TJP2: variants seen among roughly 807,000 people sequenced by gnomAD.
TJP2 encodes the protein Friedreich ataxia region gene X104 (tight junction protein ZO-2).
A neutral mutation model predicts 133.1 loss-of-function variants in TJP2; 91 were observed. That is an observed-to-expected ratio of 0.68 (90% CI 0.58 to 0.81). The LOEUF (loss-of-function observed/expected upper bound fraction) is 0.81. TJP2 is among the 40% of genes least tolerant of loss of function. TJP2 has a pLI of 0.00. For missense variants in TJP2, 1,541 were observed against 1,565.6 expected, an observed-to-expected ratio of 0.98 and a Z score of 0.26; for synonymous variants, 592 against 583.4, an observed-to-expected ratio of 1.01 and a Z score of -0.21.
In TJP2 at chr9:69,144,386, G is replaced by C. The variant is rs189873505; in HGVS notation, c.-130-7265G>C. 1.7e-3 allele frequency among the ~76,000 whole-genome samples: 254 copies of C among 152,228 alleles called. 1 individual carries two copies. The highest frequency in any genetic ancestry group is 5.7e-3 in the African/African-American group (235 of 41,548). ...TTGGGACACTCACTTTGGACATCTA[G>C]GTTAATCAGAGTTACTGCATAATGG... On this transcript the variant is annotated intron_variant, in intron 1 of 5. Transcript: ENST00000423935.
At chr9:69,122,972 C>T (rs945606022) in intron 1 of TJP2, among the ~76,000 whole-genome samples, 2 of 152,110 alleles carry the variant, frequency 1.3e-5, no homozygotes, top group Non-Finnish European at 2.9e-5. Context: ...CAAGTGTTCA[C>T]GTGTCTTGCC....
chr9:69,216,222 TCTGTTCC>T lies in TJP2; in HGVS notation c.115-116_115-110del, dbSNP rs1447540815. ...TTTCTCATTTGTTTCTGTAAGCCCA[TCTGTTCC>T]TGAACAGTCTCTGGTTATTGATTTG... On this transcript the variant is annotated intron_variant, in intron 2 of 22. Transcript: ENST00000377245. 2.4e-6 allele frequency: 3 copies of T among 1,235,586 alleles called. No homozygotes were observed. The African/African-American group carries it at 4.5e-5, about 18-fold the overall frequency. 76.5% of individuals were successfully genotyped at this position (1,235,586 alleles called of 1,614,324 possible). A position where few individuals can be genotyped will look rare whatever the true frequency, so the allele number is the denominator to read the frequency against.
chr9:69,194,916 C>T (rs10869994), intron 1 of TJP2, among the ~76,000 whole-genome samples: 57,702 of 151,970 alleles, frequency 0.38, 11,218 homozygotes, highest in South Asian at 0.44. Flanking sequence ...GTGTTTGAAG[C>T]TCAGGACTCC....
intron 2 of TJP2, among the ~76,000 whole-genome samples, chr9:69,166,295 T>C (rs1379973017): frequency 6.6e-6 from 1 of 151,926 alleles, no homozygotes; most frequent in African/African-American, 2.4e-5. Flanking sequence ...AGAGATCAGG[T>C]CTTGCTATGT....
intron 2 of TJP2, among the ~76,000 whole-genome samples, chr9:69,164,803 C>A (rs1219543415): frequency 6.6e-6 from 1 of 152,128 alleles, no homozygotes; most frequent in Non-Finnish European, 1.5e-5. Flanking sequence ...AGTGAATGGG[C>A]TTTGAATCTG....
chr9:69,157,691 T>G (rs1482589056), intron 2 of TJP2, among the ~76,000 whole-genome samples: 1 of 152,126 alleles, frequency 6.6e-6, no homozygotes, highest in African/African-American at 2.4e-5. Flanking sequence ...ACTCCTGACC[T>G]CAAGTGATCC....
At chr9:69,189,573 T>C (rs1413080707) in intron 1 of TJP2, among the ~76,000 whole-genome samples, 1 of 151,676 alleles carries the variant, frequency 6.6e-6, no homozygotes, top group East Asian at 1.9e-4. Flanking sequence ...TGAGTTCTGA[T>C]TGTCCTGTGA....
chr9:69,246,642 A>G, intron 17 of TJP2, 48 bp from the exon 18 acceptor site: 10 of 1,493,584 alleles, frequency 6.7e-6, no homozygotes, highest in Non-Finnish European at 9.3e-6. Context: ...TCCTTAATAA[A>G]CATGCCTCTG....
In TJP2 at chr9:69,223,567, G is replaced by A. The variant is rs150728404; in HGVS notation, c.953-1737G>A. Among the ~76,000 whole-genome samples, 1,186 of 152,236 alleles carry A rather than the reference G, an allele frequency of 7.8e-3. 8 individuals carry two copies. Among genetic ancestry groups the A allele is most frequent in the African/African-American group, 0.027 (1,125 of 41,540 alleles). On this transcript the variant is annotated intron_variant, in intron 5 of 22. Coordinates refer to ENST00000377245, the MANE Select transcript of TJP2 (RefSeq NM_004817.4). ...CATGATCCGCCCACCTCAGCCTCCC[G>A]AAGTGCTGGGATTACAGGCGTGAGC...
Position 69,174,403 on chromosome 9 carries a change from C to A in TJP2, c.31C>A (p.Pro11Thr). MPVRGDRGFP[P>T]RRELSGWLRA... ...GGTGCGAGGAGACCGCGGGTTTCCA[C>A]CCCGGCGGGAGCTGTCAGGTTGGCT... is the stretch of plus-strand genomic sequence containing the variant. The change falls in exon 1 of 23, where the codon CCC becomes ACC. Residue 11 changes from proline (P) to threonine (T), a missense_variant. Transcript: ENST00000377245. 1 of 1,551,934 alleles carries A rather than the reference C, an allele frequency of 6.4e-7. No homozygotes were observed. The highest frequency in any genetic ancestry group is 8.7e-7 in the Non-Finnish European group (1 of 1,147,164).
intron 2 of TJP2, among the ~76,000 whole-genome samples, chr9:69,167,219 C>T (rs954998831): frequency 1.3e-5 from 2 of 151,932 alleles, no homozygotes; most frequent in African/African-American, 4.8e-5. Flanking sequence ...GCCTGGGCAA[C>T]AGCAAGACTG....
rs1463476687 is a variant in TJP2 at position 69,133,831 on chromosome 9, G to A, written c.-131+12106G>A. On this transcript the variant is annotated intron_variant, in intron 1 of 5. Coordinates refer to the TJP2 transcript ENST00000423935. The stretch of plus-strand genomic sequence containing the variant: ...CTCCCAACGTGCTGGGATTACAGAT[G>A]TGAGCCACCATGCCCAGCCTCATTT... Among the ~76,000 whole-genome samples, 4 of 152,178 alleles carry A rather than the reference G, an allele frequency of 2.6e-5. No individual in the cohort carries two copies. In the South Asian group the frequency reaches 6.2e-4, roughly 24 times the overall value.
At chr9:69,249,889 A>T (rs775517237) in intron 20 of TJP2, 28 of 307,366 alleles carry the variant, frequency 9.1e-5, no homozygotes, top group Non-Finnish European at 1.3e-4. Flanking sequence ...CTTACTGGTG[A>T]TGTGCTAAAG....
intron 13 of TJP2, 62 bp from the exon 14 acceptor site, chr9:69,236,887 T>C (rs1050774321): frequency 1.2e-5 from 18 of 1,556,792 alleles, no homozygotes; most frequent in Middle Eastern, 1.7e-4. Context: ...ATTTGATTAA[T>C]GAAATGCATG....
intron 19 of TJP2, chr9:69,249,167 G>A (rs1173051896): frequency 1.0e-6 from 1 of 985,270 alleles, no homozygotes; most frequent in Non-Finnish European, 1.2e-6. Flanking sequence ...GTGCTTTAAA[G>A]GAAGAGACTC....
intron 2 of TJP2, among the ~76,000 whole-genome samples, chr9:69,158,298 A>T (rs935894899): frequency 6.2e-5 from 8 of 128,670 alleles, no homozygotes; most frequent in Non-Finnish European, 1.1e-4. Context: ...ACTGCACTCC[A>T]GCCTGAGGGA....
intron 1 of TJP2, among the ~76,000 whole-genome samples, chr9:69,141,849 A>G (rs565137213): frequency 6.6e-6 from 1 of 152,316 alleles, no homozygotes; most frequent in East Asian, 1.9e-4. Context: ...TCGGCCTGCC[A>G]CAGTGCTGGG....
Position 69,152,817 on chromosome 9 carries a change from C to CTTTTTTTTTTTTTT in TJP2, c.-10+1064_-10+1077dup, listed in dbSNP as rs10543289. On this transcript the variant is annotated intron_variant, in intron 2 of 5. Transcript: ENST00000423935. ...TTACTGAAATGTTCTCTCTGGAGCTCTTTTTTTTTTTTTTTTTTTTTTTTT... is the reference window on the plus strand; with the variant it reads ...TTACTGAAATGTTCTCTCTGGAGCTCTTTTTTTTTTTTTTTTTTTTTTTTTTTTTTTTTTTTTTT... Among the ~76,000 whole-genome samples the CTTTTTTTTTTTTTT allele has an allele frequency of 2.5e-4, 12 of 48,032 alleles. 2 individuals are homozygous for CTTTTTTTTTTTTTT. Among genetic ancestry groups the CTTTTTTTTTTTTTT allele is most frequent in the Admixed American group, 3.3e-4 (1 of 3,000 alleles). 31.5% of individuals were successfully genotyped at this position (48,032 alleles called of 152,430 possible). A position where few individuals can be genotyped will look rare whatever the true frequency, so the allele number is the denominator to read the frequency against.
Position 69,227,761 on chromosome 9 carries a change from C to G in TJP2, c.1211-4C>G. The G allele has an allele frequency of 1.3e-6, 2 of 1,567,140 alleles. No individual in the cohort carries two copies. The highest frequency in any genetic ancestry group is 1.8e-6 in the Non-Finnish European group (2 of 1,139,180). On this transcript the variant is annotated splice_region_variant and splice_polypyrimidine_tract_variant and intron_variant, in intron 7 of 22. Transcript: ENST00000377245. The stretch of plus-strand genomic sequence containing the variant: ...TAAAAGTCTTTTCTTATTTTTGAAA[C>G]TAGATATTTCAGAAATAGAGTCAAA...
Sources: gnomAD v4.1 joint callset for allele counts (sites outside exome capture counted in the v4.1 genomes callset) on GRCh38, gnomAD v4.1.1 for gene constraint, MANE v1.5 for transcripts, NCBI Gene and HGNC (gene_info 2026-07-23, HGNC 2026-07-21) for gene names.